The following CAPN5 variants were observed in gnomAD, a reference collection of about 807,000 sequenced individuals.
CAPN5 encodes the protein calpain 5, also known as calpain-5.
A neutral mutation model predicts 73.0 loss-of-function variants in CAPN5; 54 were observed. That is an observed-to-expected ratio of 0.74 (90% CI 0.59 to 0.93). The LOEUF (loss-of-function observed/expected upper bound fraction) is 0.93, where lower values mean the gene tolerates loss of function less well. Ranked by LOEUF, CAPN5 falls within the 40% of genes least tolerant of loss-of-function variation. The pLI, the probability that CAPN5 is intolerant of heterozygous loss-of-function variation, is 0.00. For missense variants in CAPN5, 785 were observed against 882.9 expected, an observed-to-expected ratio of 0.89 and a Z score of 1.41; for synonymous variants, 335 against 356.9, an observed-to-expected ratio of 0.94 and a Z score of 0.69.
At position 77,084,942 on chromosome 11, in the gene CAPN5, A is replaced by AC. The variant is rs782363756; in HGVS notation, c.57dup (p.Cys20LeufsTer17). 11 of 1,613,822 alleles carry AC rather than the reference A, an allele frequency of 6.8e-6. No homozygotes were observed. Among genetic ancestry groups the AC allele is most frequent in the African/African-American group, 2.7e-5 (2 of 75,010 alleles). On this transcript the variant is annotated frameshift_variant, in exon 2 of 13. Transcript: ENST00000648180. LOFTEE classifies it high-confidence loss of function. ...CAGAACTACTCAGCCCTGAGGCGGG[A>AC]CTGCCGGCGCAGGAAGGTGCTCTTC...
chr11:77,094,026 G>A (rs573701179), intron 3 of CAPN5, among the ~76,000 whole-genome samples: 64 of 152,374 alleles, frequency 4.2e-4, no homozygotes, highest in African/African-American at 1.3e-3. Context: ...CTGGGAATCC[G>A]TCAGGCTCCC....
rs782029119 is a variant in CAPN5, at chr11:77,085,020, C to T, written c.134C>T (p.Pro45Leu). 3.4e-5 allele frequency: 55 copies of T among 1,613,384 alleles called. No individual in the cohort carries two copies. Among genetic ancestry groups the T allele is most frequent in the Middle Eastern group, 1.6e-4 (1 of 6,082 alleles). Residue 45 changes from proline (P) to leucine (L), a missense_variant, in exon 2 of 13, where the codon CCG (proline) becomes CTG (leucine). Physicochemically the swap from Pro to Leu is moderately conservative, Grantham distance 98. Coordinates refer to ENST00000648180, the MANE Select transcript of CAPN5 (RefSeq NM_004055.5). ...TDDSLYYKGT[P>L]GPAVRWKRPK... Reference sequence around the variant, plus strand: ...GACTCACTCTACTATAAGGGCACGCCGGGGCCCGCCGTCAGGTGGAAGCGA... The same window carrying T: ...GACTCACTCTACTATAAGGGCACGCTGGGGCCCGCCGTCAGGTGGAAGCGA...
In CAPN5 at chr11:77,123,095, A is replaced by AGGGG. The variant is rs1254303470; in HGVS notation, c.1740+384_1740+387dup. 9.2e-5 allele frequency among the ~76,000 whole-genome samples: 14 copies of AGGGG among 152,338 alleles called. No homozygotes were observed. The South Asian group carries it at 1.2e-3, about 14-fold the overall frequency. The stretch of plus-strand genomic sequence containing the variant: ...TGGCTGTTTCCCAAGAGCCTTGGGC[A>AGGGG]GGGGATAGAAAGCCAGTGTCCTCCC... On this transcript the variant is annotated intron_variant, in intron 12 of 12. Transcript: ENST00000648180.
chr11:77,118,175 G>A lies in CAPN5; in HGVS notation c.990G>A (p.Val330=), dbSNP rs1555042057. The part of the protein sequence containing the change: ...DGEFWMTFED[V]CRYFTDIIKC... ...CATCCAGGATGACCTTCGAGGACGT[G>A]TGCCGGTACTTCACGGACATCATCA... The change falls in exon 8 of 13, where the codon GTG becomes GTA. Residue 330 remains valine, a synonymous_variant. Coordinates refer to ENST00000648180, the MANE Select transcript of CAPN5 (RefSeq NM_004055.5). 2.5e-6 allele frequency: 4 copies of A among 1,613,360 alleles called. No individual in the cohort carries two copies. The South Asian group carries it at 4.4e-5, about 18-fold the overall frequency.
intron 1 of CAPN5, among the ~76,000 whole-genome samples, chr11:77,070,661 C>T (rs1949894534): frequency 6.6e-6 from 1 of 152,194 alleles, no homozygotes; most frequent in Non-Finnish European, 1.5e-5. Context: ...ACTGTTGCGA[C>T]AAATTGCCAC....
intron 3 of CAPN5, among the ~76,000 whole-genome samples, chr11:77,108,018 G>A (rs1950369315): frequency 1.3e-5 from 2 of 152,226 alleles, no homozygotes; most frequent in Non-Finnish European, 2.9e-5. Flanking sequence ...AGTGTAGGTA[G>A]ATGAGGAGAC....
At chr11:77,086,875 A>G (rs1240860180) in intron 2 of CAPN5, among the ~76,000 whole-genome samples, 2 of 151,732 alleles carry the variant, frequency 1.3e-5, no homozygotes, top group African/African-American at 2.4e-5. Context: ...CCCGCTTGGT[A>G]CTCTCCTGCT....
chr11:77,106,734 G>A (rs1377648150), intron 3 of CAPN5, among the ~76,000 whole-genome samples: 7 of 152,206 alleles, frequency 4.6e-5, no homozygotes, highest in South Asian at 4.1e-4. Flanking sequence ...ATAGACACAC[G>A]GTCTCCTCTC....
At chr11:77,122,248 A>G (rs1950526865) in intron 11 of CAPN5, among the ~76,000 whole-genome samples, 199 bp downstream of exon 11, 1 of 152,150 alleles carries the variant, frequency 6.6e-6, no homozygotes, top group African/African-American at 2.4e-5. Context: ...TCCAGCTGGG[A>G]GGGAGGCCTC....
chr11:77,092,661 G>A (rs1380931179), intron 2 of CAPN5, among the ~76,000 whole-genome samples: 2 of 152,258 alleles, frequency 1.3e-5, no homozygotes, highest in African/African-American at 2.4e-5. Flanking sequence ...CTCTTGGGCC[G>A]TGCCCACCAG....
chr11:77,068,354 G>A (rs1949868036), intron 1 of CAPN5, among the ~76,000 whole-genome samples: 1 of 152,156 alleles, frequency 6.6e-6, no homozygotes, highest in African/African-American at 2.4e-5. Context: ...CAGGCAGTGG[G>A]TCCACAGATA....
intron 3 of CAPN5, among the ~76,000 whole-genome samples, chr11:77,099,452 G>A (rs1174411073): frequency 1.4e-5 from 2 of 147,670 alleles, no homozygotes; most frequent in Non-Finnish European, 3.0e-5. Flanking sequence ...TGAGCACTGA[G>A]TGAACGAGAC....
chr11:77,114,534 G>A (rs1478458212), intron 5 of CAPN5, 100 bp downstream of exon 5: 11 of 1,086,688 alleles, frequency 1.0e-5, no homozygotes, highest in Middle Eastern at 2.4e-4. Flanking sequence ...CAGCTCCTAC[G>A]TATTCAGACC....
intron 5 of CAPN5, among the ~76,000 whole-genome samples, chr11:77,114,661 G>A (rs1414841708): frequency 6.6e-6 from 1 of 152,160 alleles, no homozygotes; most frequent in East Asian, 1.9e-4. Context: ...GATCCTCTTG[G>A]GTTATGAACG....
In CAPN5 at chr11:77,123,904, A is replaced by G. The variant is rs782476457; in HGVS notation, c.*34A>G. 6.3e-7 allele frequency: 1 copy of G among 1,596,360 alleles called. No homozygotes were observed. Among genetic ancestry groups the G allele is most frequent in the Admixed American group, 1.7e-5 (1 of 59,578 alleles). ...CACCTACCTGGCTCTGACCGTTCCCACCACCATCTGCATGTCCCCACTGGG... is the reference window on the plus strand; with the variant it reads ...CACCTACCTGGCTCTGACCGTTCCCGCCACCATCTGCATGTCCCCACTGGG... On this transcript the variant is annotated 3_prime_UTR_variant, in exon 13 of 13. Coordinates refer to ENST00000648180, the MANE Select transcript of CAPN5 (RefSeq NM_004055.5).
chr11:77,108,042 T>C (rs1182780375), intron 3 of CAPN5, among the ~76,000 whole-genome samples: 2 of 152,188 alleles, frequency 1.3e-5, no homozygotes, highest in African/African-American at 4.8e-5. Context: ...GACTCAGAGG[T>C]GGCCCCGTTG....
At chr11:77,091,442 G>A (rs2135432490) in intron 2 of CAPN5, among the ~76,000 whole-genome samples, 1 of 152,334 alleles carries the variant, frequency 6.6e-6, no homozygotes, top group South Asian at 2.1e-4. Context: ...CCCATGCTGT[G>A]TGGCGGGGAC....
chr11:77,102,461 C>T (rs1044977524), intron 3 of CAPN5, among the ~76,000 whole-genome samples: 2 of 152,234 alleles, frequency 1.3e-5, no homozygotes, highest in Non-Finnish European at 2.9e-5. Flanking sequence ...CCCCACCACC[C>T]TCCCCATCAG....
At chr11:77,092,651 C>T (rs1372388939) in intron 2 of CAPN5, among the ~76,000 whole-genome samples, 4 of 152,260 alleles carry the variant, frequency 2.6e-5, no homozygotes, top group Non-Finnish European at 4.4e-5. Flanking sequence ...ATGGAGCAGC[C>T]TCTTGGGCCG....
Sources: allele counts gnomAD v4.1 joint callset (sites outside exome capture counted in the v4.1 genomes callset), GRCh38; gene constraint gnomAD v4.1.1; transcripts MANE v1.5; gene names NCBI Gene and HGNC (gene_info 2026-07-23, HGNC 2026-07-21).